PLXND1: variants seen among roughly 807,000 people sequenced by gnomAD.
The protein encoded by PLXND1 is plexin D1.
A neutral mutation model predicts 197.7 loss-of-function variants in PLXND1; 54 were observed. The observed-to-expected ratio is 0.27, with a 90% CI of 0.22 to 0.34. PLXND1 has a LOEUF of 0.34. Among genes scored for constraint, PLXND1 ranks in the 10% least tolerant of loss-of-function variants. PLXND1 has a pLI of 1.00. For synonymous variants in PLXND1, 1,180 were observed against 1,161.2 expected, an observed-to-expected ratio of 1.02 and a Z score of -0.33; for missense variants, 2,127 against 2,699.2, an observed-to-expected ratio of 0.79 and a Z score of 4.70.
chr3:129,566,553 T>C lies in PLXND1; in HGVS notation c.4165A>G (p.Thr1389Ala). The C allele has an allele frequency of 1.2e-6, 2 of 1,612,484 alleles. No individual in the cohort carries two copies. Among genetic ancestry groups the C allele is most frequent in the Non-Finnish European group, 1.7e-6 (2 of 1,178,702 alleles). ...TTCCACTCTCCCAGCAGTGGGTGGG[T>C]TTCCTGTGCCTGGGAGCTGCCCTGG... is the stretch of plus-strand genomic sequence containing the variant. ...NSQGSSQAQETHPLLGEWKIP... is the reference protein window; with the variant it reads ...NSQGSSQAQEAHPLLGEWKIP... The change falls in exon 23 of 36, where the codon ACC becomes GCC. Residue 1389 changes from threonine (T) to alanine (A), a missense_variant. Physicochemically the swap from Thr to Ala is moderately conservative, Grantham distance 58 (BLOSUM62 0). Transcript: ENST00000324093.
intron 1 of PLXND1, among the ~76,000 whole-genome samples, chr3:129,602,445 G>A (rs1418411405): frequency 2.6e-5 from 4 of 152,120 alleles, no homozygotes; most frequent in African/African-American, 7.2e-5. Flanking sequence ...CGCCCCCTCC[G>A]CTGGGCTCCC....
chr3:129,605,347 C>T lies in PLXND1; in HGVS notation c.1293G>A (p.Glu431=), dbSNP rs1375617152. The change falls in exon 1 of 36, where the codon GAG becomes GAA. Residue 431 remains glutamate, a synonymous_variant. Coordinates refer to ENST00000324093, the MANE Select transcript of PLXND1 (RefSeq NM_015103.3). The part of the protein sequence containing the change: ...SVVQGTGPAC[E]RKLNIQLQPE... Reference sequence around the variant, plus strand: ...GGTGTACCTGGATGTTGAGCTTGCGCTCACAGGCCGGTCCCGTGCCCTGCA... The same window carrying T: ...GGTGTACCTGGATGTTGAGCTTGCGTTCACAGGCCGGTCCCGTGCCCTGCA... The T allele has an allele frequency of 6.9e-7, 1 of 1,446,162 alleles. No individual in the cohort carries two copies. The highest frequency in any genetic ancestry group is 9.0e-7 in the Non-Finnish European group (1 of 1,105,114). 89.6% of individuals were successfully genotyped at this position (1,446,162 alleles called of 1,614,324 possible).
rs142747290 is a variant in PLXND1 at position 129,575,531 on chromosome 3, G to A, written c.2468C>T (p.Pro823Leu). ...CCGCCCCTTTAGTTGGAGGCTGAGC[G>A]GGAACACCTGGCTCTTCCGGGTCGT... ...LHTTRKSQVF[P>L]LSLQLKGRPA... The change falls in exon 11 of 36, where the codon CCG becomes CTG. Residue 823 changes from proline (P) to leucine (L), a missense_variant. By Grantham distance (98) the Pro-to-Leu change is moderately conservative. Transcript: ENST00000324093. 5.8e-5 allele frequency: 91 copies of A among 1,557,324 alleles called. No individual in the cohort carries two copies. Among genetic ancestry groups the A allele is most frequent in the East Asian group, 4.1e-4 (17 of 41,570 alleles).
intron 29 of PLXND1, 95 bp from the exon 30 acceptor site, chr3:129,560,818 CAG>C (rs2085047009): frequency 1.1e-5 from 9 of 802,216 alleles, no homozygotes. Flanking sequence ...AGAAACAAGA[CAG>C]AAAGATGGGG....
At chr3:129,603,017 G>C (rs2108807911) in intron 1 of PLXND1, among the ~76,000 whole-genome samples, 1 of 152,298 alleles carries the variant, frequency 6.6e-6, no homozygotes, top group African/African-American at 2.4e-5. Context: ...TGCATAGCTG[G>C]CAACAGCCTG....
intron 8 of PLXND1, among the ~76,000 whole-genome samples, chr3:129,580,514 C>A (rs2085372040): frequency 6.6e-6 from 1 of 152,132 alleles, no homozygotes; most frequent in Admixed American, 6.5e-5. Context: ...TCCTCCTGGC[C>A]CCAGCCCACC....
intron 8 of PLXND1, among the ~76,000 whole-genome samples, chr3:129,583,085 G>A (rs1381871484): frequency 6.6e-6 from 1 of 152,192 alleles, no homozygotes; most frequent in African/African-American, 2.4e-5. Flanking sequence ...TGGGCTCCAG[G>A]GGCAGAGGGA....
At chr3:129,578,508 G>T in intron 8 of PLXND1, 75 bp from the exon 9 acceptor site, 1 of 882,532 alleles carries the variant, frequency 1.1e-6, no homozygotes, top group Non-Finnish European at 1.8e-6. Flanking sequence ...CTGCACCCCA[G>T]CCTGCCTGGT....
In PLXND1 at chr3:129,557,450, G is replaced by A. The variant is rs536362231; in HGVS notation, c.5446-227C>T. On this transcript the variant is annotated intron_variant, in intron 33 of 35. Transcript: ENST00000324093. The surrounding 1 kb of genome is among the most constrained non-coding windows in gnomAD (Gnocchi z 4.8). ...CGCCTACTTTCCCCAGGACTGTTAG[G>A]ACAATGATGTGGGTGGGGAGGGGCC... 7.3e-5 allele frequency among the ~76,000 whole-genome samples: 11 copies of A among 150,696 alleles called. No homozygotes were observed. The highest frequency in any genetic ancestry group is 1.3e-4 in the Non-Finnish European group (9 of 68,016).
chr3:129,575,396 G>A, intron 11 of PLXND1, 73 bp downstream of exon 11: 2 of 894,016 alleles, frequency 2.2e-6, no homozygotes, highest in Non-Finnish European at 3.6e-6. Context: ...CCACTGGAAT[G>A]AGTCGCACAA....
At chr3:129,595,241 C>T (rs918532289) in intron 1 of PLXND1, among the ~76,000 whole-genome samples, 55 of 152,242 alleles carry the variant, frequency 3.6e-4, no homozygotes, top group Non-Finnish European at 7.3e-5. Context: ...TCAGCATGCA[C>T]TGCCTCTCAG....
chr3:129,583,804 T>C (rs573007831), intron 7 of PLXND1, 135 bp from the exon 8 acceptor site: 56 of 646,916 alleles, frequency 8.7e-5, no homozygotes, highest in Middle Eastern at 4.3e-4. Flanking sequence ...CTGGGAAAGA[T>C]TGGGTCTTTA....
At chr3:129,563,372 C>G (rs765521796) in intron 25 of PLXND1, 132 bp from the exon 26 acceptor site, 13 of 698,114 alleles carry the variant, frequency 1.9e-5, no homozygotes, top group South Asian at 9.8e-5. Flanking sequence ...TGTCAACACT[C>G]TCCTCTCCAG....
rs2085335340 is a variant in PLXND1 at position 129,577,868 on chromosome 3, T to C, written c.2346+461A>G. Reference sequence around the variant, plus strand: ...CTTCCTGGGCCTCATCTTCCCCATCTGGACAATGGGGAATGGGGTGGCCAA... The same window carrying C: ...CTTCCTGGGCCTCATCTTCCCCATCCGGACAATGGGGAATGGGGTGGCCAA... On this transcript the variant is annotated intron_variant, in intron 9 of 35. Coordinates refer to ENST00000324093, the MANE Select transcript of PLXND1 (RefSeq NM_015103.3). This position sits in a 1 kb window ranked among gnomAD's most constrained non-coding sequence, Gnocchi z 5.0. Among the ~76,000 whole-genome samples the C allele has an allele frequency of 6.6e-6, 1 of 152,206 alleles. No individual in the cohort carries two copies. Among genetic ancestry groups the C allele is most frequent in the African/African-American group, 2.4e-5 (1 of 41,468 alleles).
intron 29 of PLXND1, 30 bp downstream of exon 29, chr3:129,561,615 TG>T: frequency 6.5e-7 from 1 of 1,538,672 alleles, no homozygotes; most frequent in Non-Finnish European, 8.9e-7. Flanking sequence ...ACACGCAGCC[TG>T]GGCTCCCTTC....
intron 1 of PLXND1, among the ~76,000 whole-genome samples, chr3:129,591,087 G>A (rs1182651409): frequency 6.6e-6 from 1 of 152,208 alleles, no homozygotes; most frequent in Non-Finnish European, 1.5e-5. Flanking sequence ...AATAAACACA[G>A]TTACGGCCGG....
chr3:129,558,592 C>T lies in PLXND1; in HGVS notation c.5298-17G>A, dbSNP rs1262886123. On this transcript the variant is annotated splice_polypyrimidine_tract_variant and intron_variant, in intron 32 of 35. Coordinates refer to ENST00000324093, the MANE Select transcript of PLXND1 (RefSeq NM_015103.3). The surrounding 1 kb of genome is among the most constrained non-coding windows in gnomAD (Gnocchi z 4.1). ...AGAGGAAGGCTGTGGGGTAGGGTGACAAAGACAGTGAGGGTAGGGTGGGGT... is the reference window on the plus strand; with the variant it reads ...AGAGGAAGGCTGTGGGGTAGGGTGATAAAGACAGTGAGGGTAGGGTGGGGT... The T allele has an allele frequency of 1.2e-6, 2 of 1,612,272 alleles. No homozygotes were observed. Among genetic ancestry groups the T allele is most frequent in the Admixed American group, 1.7e-5 (1 of 59,932 alleles).
intron 1 of PLXND1, among the ~76,000 whole-genome samples, chr3:129,595,921 G>GCA (rs57098603): frequency 0.044 from 6,456 of 146,448 alleles, 184 homozygotes; most frequent in Middle Eastern, 0.089. Flanking sequence ...GTGCACGCAC[G>GCA]CACACACACA....
rs144804704 is a variant in PLXND1 at position 129,571,715 on chromosome 3, C to T, written c.3207G>A (p.Pro1069=). 1.9e-4 allele frequency: 303 copies of T among 1,613,788 alleles called. No homozygotes were observed. The highest frequency in any genetic ancestry group is 4.0e-4 in the Admixed American group (24 of 60,022). The part of the protein sequence containing the change: ...GNLTFWYMQN[P]VITAISPRRS... ...GGCGGGGACTGATGGCCGTGATGAC[C>T]GGGTTCTGCATGTACCAGAAGGTGA... Residue 1069 remains proline, a synonymous_variant, in exon 16 of 36, where the codon CCG becomes CCA. Transcript: ENST00000324093.
Sources: allele counts gnomAD v4.1 joint callset (sites outside exome capture counted in the v4.1 genomes callset), GRCh38; gene constraint gnomAD v4.1.1; non-coding constraint Gnocchi (gnomAD v3.1); transcripts MANE v1.5; gene names NCBI Gene and HGNC (gene_info 2026-07-23, HGNC 2026-07-21).